The following WDR7 variants were observed in gnomAD, a reference collection of about 807,000 sequenced individuals.
WDR7 encodes WD repeat domain 7, also known as WD repeat-containing protein 7.
In WDR7, 46 loss-of-function variants were observed where a neutral mutation model predicts 169.4. That is an observed-to-expected ratio of 0.27 (90% CI 0.21 to 0.35). WDR7 has a LOEUF of 0.35. WDR7 is among the 10% of genes least tolerant of loss of function. The pLI, the probability that WDR7 is intolerant of heterozygous loss-of-function variation, is 1.00. For synonymous variants in WDR7, 612 were observed against 666.8 expected, an observed-to-expected ratio of 0.92 and a Z score of 1.27; for missense variants, 1,534 against 1,859.3, an observed-to-expected ratio of 0.83 and a Z score of 3.22.
intron 16 of WDR7, among the ~76,000 whole-genome samples, chr18:56,764,997 C>A (rs147304390): frequency 2.9e-3 from 435 of 152,142 alleles, no homozygotes; most frequent in African/African-American, 9.8e-3. Flanking sequence ...TATGAAATGA[C>A]CTTCTTTATC....
At chr18:56,794,542 C>T (rs1484225060) in intron 19 of WDR7, among the ~76,000 whole-genome samples, 27 of 151,834 alleles carry the variant, frequency 1.8e-4, no homozygotes, top group Non-Finnish European at 2.2e-4. Flanking sequence ...ATCTCCTGAC[C>T]TTGTGATCTG....
intron 20 of WDR7, among the ~76,000 whole-genome samples, chr18:56,861,532 G>A (rs559750955): frequency 5.9e-5 from 9 of 152,288 alleles, no homozygotes; most frequent in African/African-American, 1.9e-4. Flanking sequence ...TCTCTCTGGA[G>A]TTGTTCCAGC....
Position 56,678,828 on chromosome 18 carries a change from G to A in WDR7, c.160-504G>A, listed in dbSNP as rs183647050. ...GTTCTTGCAGACTCGTAGAGGTACC[G>A]CCTTGATGGGCTTGGACAAGATTCG... On this transcript the variant is annotated intron_variant, in intron 2 of 27. Coordinates refer to ENST00000254442, the MANE Select transcript of WDR7 (RefSeq NM_015285.3). Among the ~76,000 whole-genome samples, 219 of 152,226 alleles carry A rather than the reference G, an allele frequency of 1.4e-3. 6 individuals are homozygous for A. The highest frequency in any genetic ancestry group is 0.013 in the Admixed American group (200 of 15,284).
chr18:56,775,111 G>A (rs944097107), intron 16 of WDR7, among the ~76,000 whole-genome samples: 1 of 151,896 alleles, frequency 6.6e-6, no homozygotes, highest in African/African-American at 2.4e-5. Flanking sequence ...CTTGTGTTAG[G>A]GTAATGACCA....
chr18:56,871,876 G>A (rs866599027), intron 20 of WDR7, among the ~76,000 whole-genome samples: 4 of 151,888 alleles, frequency 2.6e-5, no homozygotes, highest in Non-Finnish European at 5.9e-5. Flanking sequence ...GAATTCAACC[G>A]CATTATTTTA....
At chr18:57,011,997 A>C (rs552612534) in intron 26 of WDR7, among the ~76,000 whole-genome samples, 21 of 152,214 alleles carry the variant, frequency 1.4e-4, no homozygotes, top group Non-Finnish European at 2.5e-4. Context: ...AGCTGATGGG[A>C]GGGTGAAAAC....
intron 16 of WDR7, among the ~76,000 whole-genome samples, chr18:56,775,441 A>T (rs1014639649): frequency 2.0e-5 from 3 of 152,182 alleles, no homozygotes; most frequent in African/African-American, 7.2e-5. Context: ...ATTCCCTGGA[A>T]TATAGAAATA....
At chr18:56,773,556 T>C (rs932429694) in intron 16 of WDR7, among the ~76,000 whole-genome samples, 1 of 152,116 alleles carries the variant, frequency 6.6e-6, no homozygotes, top group East Asian at 1.9e-4. Flanking sequence ...TTATGGCAAT[T>C]GCATGAAGCA....
At position 56,691,242 on chromosome 18, in the gene WDR7, G is replaced by A. The variant is rs1296763812; in HGVS notation, c.744G>A (p.Leu248=). ...WRVFDAGDYS[L]LCSGPSENGQ... is the part of the protein sequence containing the mutation. The stretch of plus-strand genomic sequence containing the variant: ...TGTTCGATGCCGGAGACTATTCCTT[G>A]TTGTGTTCAGGTCCTAGTGAAAATG... Residue 248 remains leucine, a synonymous_variant, in exon 8 of 28, where the codon TTG becomes TTA. Transcript: ENST00000254442. 1 of 1,610,182 alleles carries A rather than the reference G, an allele frequency of 6.2e-7. No homozygotes were observed. Among genetic ancestry groups the A allele is most frequent in the Non-Finnish European group, 8.5e-7 (1 of 1,178,938 alleles).
chr18:56,681,116 G>A (rs1443220267), intron 3 of WDR7, among the ~76,000 whole-genome samples, 197 bp from the exon 4 acceptor site: 2 of 152,166 alleles, frequency 1.3e-5, no homozygotes, highest in Non-Finnish European at 2.9e-5. Flanking sequence ...GACTATGGTG[G>A]GGGGTGGGCA....
At chr18:56,926,203 G>A (rs995019905) in intron 22 of WDR7, among the ~76,000 whole-genome samples, 2 of 152,192 alleles carry the variant, frequency 1.3e-5, no homozygotes, top group Non-Finnish European at 2.9e-5. Context: ...TTGAGCCCAG[G>A]AGTCTGTGCC....
chr18:56,705,168 A>G (rs2025920448), intron 12 of WDR7, among the ~76,000 whole-genome samples: 2 of 152,184 alleles, frequency 1.3e-5, no homozygotes, highest in Non-Finnish European at 2.9e-5. Context: ...TGCTAGGAAG[A>G]AATGAATTAC....
At chr18:56,660,533 A>T (rs1241393582) in intron 1 of WDR7, among the ~76,000 whole-genome samples, 2 of 152,286 alleles carry the variant, frequency 1.3e-5, no homozygotes, top group East Asian at 3.9e-4. Context: ...AGTGTTTCAG[A>T]TAAAGGATAC....
chr18:56,761,505 A>G (rs938323128), intron 16 of WDR7, among the ~76,000 whole-genome samples: 1 of 152,034 alleles, frequency 6.6e-6, no homozygotes, highest in Non-Finnish European at 1.5e-5. Flanking sequence ...TAAATTTTAG[A>G]ATCAGTTTCT....
At chr18:56,964,104 C>T (rs2047372181) in intron 26 of WDR7, among the ~76,000 whole-genome samples, 1 of 148,850 alleles carries the variant, frequency 6.7e-6, no homozygotes, top group Non-Finnish European at 1.5e-5. Flanking sequence ...GAGAGAACAA[C>T]AGCTATTAGG....
At chr18:56,716,480 G>C (rs1413391412) in intron 12 of WDR7, among the ~76,000 whole-genome samples, 1 of 152,012 alleles carries the variant, frequency 6.6e-6, no homozygotes, top group African/African-American at 2.4e-5. Context: ...TGTTATTTTT[G>C]TTTTATTACT....
At chr18:56,921,552 C>G (rs991493231) in intron 21 of WDR7, among the ~76,000 whole-genome samples, 3 of 152,164 alleles carry the variant, frequency 2.0e-5, no homozygotes, top group African/African-American at 7.2e-5. Flanking sequence ...TCTAGGGGCC[C>G]TGTGTTTTCT....
chr18:56,779,114 T>C (rs1432114950), intron 17 of WDR7, among the ~76,000 whole-genome samples: 1 of 152,224 alleles, frequency 6.6e-6, no homozygotes, highest in East Asian at 1.9e-4. Flanking sequence ...TTTGCCATTC[T>C]TTAATATATA....
At chr18:56,747,419 T>G (rs1308025407) in intron 14 of WDR7, among the ~76,000 whole-genome samples, 1 of 152,210 alleles carries the variant, frequency 6.6e-6, no homozygotes, top group African/African-American at 2.4e-5. Context: ...CTTGATTGAT[T>G]GATTCATGCA....
Sources: allele counts gnomAD v4.1 joint callset (sites outside exome capture counted in the v4.1 genomes callset), GRCh38; gene constraint gnomAD v4.1.1; transcripts MANE v1.5; gene names NCBI Gene and HGNC (gene_info 2026-07-23, HGNC 2026-07-21).